GRB10: variants seen among roughly 807,000 people sequenced by gnomAD.
The protein encoded by GRB10 is growth factor receptor-bound protein 10.
Under a neutral mutation model 80.9 loss-of-function variants are expected in GRB10, and 20 were observed. The ratio of observed to expected loss-of-function variants is 0.25; its 90% CI spans 0.17 to 0.36. The LOEUF is 0.36. Ranked by LOEUF, GRB10 falls within the 10% of genes least tolerant of loss-of-function variation. GRB10 has a pLI of 1.00. For missense variants in GRB10, 548 were observed against 747.7 expected (o/e 0.73, Z 3.12); for synonymous variants, 291 against 291.5 (o/e 1.00, Z 0.02).
At chr7:50,634,637 C>G (rs530610906) in intron 7 of GRB10, among the ~76,000 whole-genome samples, 1 of 152,186 alleles carries the variant, frequency 6.6e-6, no homozygotes, top group Non-Finnish European at 1.5e-5. Flanking sequence ...CTGCTGCCTA[C>G]AAGAGACCCA....
intron 10 of GRB10, 71 bp downstream of exon 10, chr7:50,618,000 C>T (rs1310753641): frequency 4.1e-6 from 5 of 1,232,846 alleles, no homozygotes; most frequent in Non-Finnish European, 6.0e-6. Flanking sequence ...TTTTACAATG[C>T]TGCCATTCAG....
intron 4 of GRB10, among the ~76,000 whole-genome samples, chr7:50,709,008 T>G (rs760183998): frequency 7.2e-5 from 11 of 152,152 alleles, no homozygotes; most frequent in Non-Finnish European, 1.2e-4. Flanking sequence ...CCTTAATCAC[T>G]ATGCTCTCTA....
At chr7:50,622,463 C>T (rs1337624232) in intron 8 of GRB10, among the ~76,000 whole-genome samples, 2 of 152,098 alleles carry the variant, frequency 1.3e-5, no homozygotes, top group Admixed American at 6.5e-5. Flanking sequence ...GTAAACAGCC[C>T]GAAAAGGACT....
intron 7 of GRB10, among the ~76,000 whole-genome samples, chr7:50,651,342 G>A (rs552571691): frequency 6.6e-6 from 1 of 152,196 alleles, no homozygotes; most frequent in Non-Finnish European, 1.5e-5. Context: ...TCTCCTGGAG[G>A]TTCTGGCGGC....
intron 5 of GRB10, among the ~76,000 whole-genome samples, chr7:50,698,359 T>A (rs1465003427): frequency 6.6e-6 from 1 of 152,262 alleles, no homozygotes; most frequent in African/African-American, 2.4e-5. Context: ...TTTATGGTTG[T>A]GCTAAGTCTT....
chr7:50,768,392 T>A (rs985891969), intron 2 of GRB10, among the ~76,000 whole-genome samples: 1 of 152,232 alleles, frequency 6.6e-6, no homozygotes, highest in Admixed American at 6.5e-5. Context: ...AAATTAAGAC[T>A]TCAATTGCCC....
chr7:50,679,909 C>A (rs2061368652), intron 5 of GRB10, among the ~76,000 whole-genome samples: 1 of 152,206 alleles, frequency 6.6e-6, no homozygotes. Flanking sequence ...AAACTTTGTG[C>A]AAATATAACT....
At chr7:50,654,562 T>C (rs922713476) in intron 7 of GRB10, among the ~76,000 whole-genome samples, 11 of 152,256 alleles carry the variant, frequency 7.2e-5, no homozygotes, top group African/African-American at 1.4e-4. Context: ...AAGAGGCACA[T>C]TTTTGATTCT....
At chr7:50,705,266 A>G (rs2064879627) in intron 4 of GRB10, 5 of 985,526 alleles carry the variant, frequency 5.1e-6, no homozygotes, top group Non-Finnish European at 6.0e-6. Flanking sequence ...TACCACTTAG[A>G]AGGAGGATGT....
chr7:50,792,694 G>A (rs1446912062), intron 1 of GRB10: 2 of 376,752 alleles, frequency 5.3e-6, no homozygotes, highest in Non-Finnish European at 9.4e-6. Context: ...CGGGATTTGG[G>A]AGTGTCTGGC....
intron 5 of GRB10, among the ~76,000 whole-genome samples, chr7:50,679,792 C>T (rs1016983531): frequency 1.3e-5 from 2 of 152,190 alleles, no homozygotes; most frequent in Admixed American, 6.5e-5. Flanking sequence ...AAGCCAAAGT[C>T]CTTACACATT....
chr7:50,697,315 A>G (rs1007283197), intron 5 of GRB10, among the ~76,000 whole-genome samples: 1 of 152,232 alleles, frequency 6.6e-6, no homozygotes, highest in African/African-American at 2.4e-5. Context: ...TATTTTTAAT[A>G]AAGAAAGGTT....
intron 6 of GRB10, among the ~76,000 whole-genome samples, chr7:50,674,006 C>T (rs1406138551): frequency 6.6e-6 from 1 of 152,154 alleles, no homozygotes; most frequent in Non-Finnish European, 1.5e-5. Context: ...TGGCAAAATG[C>T]AACTCTGAGG....
At chr7:50,669,636 C>T in intron 7 of GRB10, 86 bp downstream of exon 7, 1 of 1,346,874 alleles carries the variant, frequency 7.4e-7, no homozygotes, top group South Asian at 1.2e-5. Flanking sequence ...CGCCCTTCTT[C>T]CCAAAGTAAT....
chr7:50,620,197 A>G (rs1294997349), intron 8 of GRB10, among the ~76,000 whole-genome samples: 2 of 152,188 alleles, frequency 1.3e-5, no homozygotes, highest in African/African-American at 4.8e-5. Flanking sequence ...TAAATCATGG[A>G]ATAAACAAGA....
At chr7:50,767,598 C>A (rs1051161781) in intron 2 of GRB10, among the ~76,000 whole-genome samples, 2 of 152,168 alleles carry the variant, frequency 1.3e-5, no homozygotes, top group East Asian at 1.9e-4. Flanking sequence ...GTATGGCAGC[C>A]CCCATGCCAT....
intron 2 of GRB10, among the ~76,000 whole-genome samples, chr7:50,770,304 C>A (rs181411875): frequency 6.6e-6 from 1 of 152,184 alleles, no homozygotes; most frequent in Non-Finnish European, 1.5e-5. Flanking sequence ...ATAATAGTTA[C>A]GGACCAAGTA....
In GRB10 at chr7:50,706,839, C is replaced by G. The variant is rs758918684; in HGVS notation, c.52-2931G>C. Among the ~76,000 whole-genome samples, 48 of 152,188 alleles carry G rather than the reference C, an allele frequency of 3.2e-4. 1 individual carries two copies. Among genetic ancestry groups the G allele is most frequent in the Non-Finnish European group, 6.3e-4 (43 of 68,046 alleles). ...CCTGGATTCTCTGAGTCAATCTGCT[C>G]ATCTGTTTATGATGGAAAACAAGCC... On this transcript the variant is annotated intron_variant, in intron 4 of 18. Coordinates refer to ENST00000401949, the MANE Select transcript of GRB10 (RefSeq NM_001350814.2).
chr7:50,706,825 T>C (rs1270250484), intron 4 of GRB10, among the ~76,000 whole-genome samples: 1 of 152,220 alleles, frequency 6.6e-6, no homozygotes, highest in Non-Finnish European at 1.5e-5. Context: ...CTGGATTCTC[T>C]GAGTCAATCT....
Sources: allele counts gnomAD v4.1 joint callset (sites outside exome capture counted in the v4.1 genomes callset), GRCh38; gene constraint gnomAD v4.1.1; transcripts MANE v1.5; gene names NCBI Gene and HGNC (gene_info 2026-07-23, HGNC 2026-07-21).